Variants in CSMD3 observed in about 807,000 individuals in gnomAD.
CSMD3 encodes CUB and Sushi multiple domains 3.
Under a neutral mutation model 435.2 loss-of-function variants are expected in CSMD3, and 177 were observed. The observed-to-expected ratio is 0.41, with a 90% confidence interval of 0.36 to 0.46. CSMD3 has a LOEUF of 0.46. Ranked by LOEUF, CSMD3 falls within the 20% of genes least tolerant of loss-of-function variation. The pLI, the probability that CSMD3 is intolerant of heterozygous loss-of-function variation, is 0.34. For missense variants in CSMD3, 4,265 were observed against 4,504.6 expected (o/e 0.95, Z 1.52); for synonymous variants, 1,656 against 1,520.5 (o/e 1.09, Z -2.07).
At chr8:113,276,637 T>C (rs2093572937) in intron 3 of CSMD3, among the ~76,000 whole-genome samples, 1 of 152,074 alleles carries the variant, frequency 6.6e-6, no homozygotes, top group Admixed American at 6.6e-5. Flanking sequence ...TATTTTAGCC[T>C]TGTGGGACTC....
At position 112,261,317 on chromosome 8, in the gene CSMD3, C is replaced by T. The variant is rs200910828; in HGVS notation, c.9862+2322G>A. On this transcript the variant is annotated intron_variant, in intron 61 of 70. Coordinates refer to ENST00000297405, the MANE Select transcript of CSMD3 (RefSeq NM_198123.2). ...TAAAATAGGTCTATAAAATACATAA[C>T]TTGCATTAAATTATAAAATGACTAT... is the stretch of plus-strand genomic sequence containing the variant. Among the ~76,000 whole-genome samples the T allele has an allele frequency of 5.3e-5, 8 of 152,102 alleles. No homozygotes were observed. In the East Asian group the frequency reaches 1.5e-3, roughly 29 times the overall value.
Position 112,788,268 on chromosome 8 carries a change from A to G in CSMD3, c.1972+11894T>C, listed in dbSNP as rs1587296572. ...ATTGGAGAAATGGACATCTTTTGTC[A>G]TCATAGCTATATACATGCCTTTTAC... On this transcript the variant is annotated intron_variant, in intron 13 of 70. Coordinates refer to ENST00000297405, the MANE Select transcript of CSMD3 (RefSeq NM_198123.2). Among the ~76,000 whole-genome samples, 4 of 152,240 alleles carry G rather than the reference A, an allele frequency of 2.6e-5. No individual in the cohort carries two copies. The South Asian group carries it at 8.3e-4, about 32-fold the overall frequency.
intron 22 of CSMD3, among the ~76,000 whole-genome samples, chr8:112,599,184 C>A (rs373244745): frequency 0.17 from 22,064 of 132,078 alleles, 2,180 homozygotes; most frequent in South Asian, 0.28. Context: ...AAAAAAAAAA[C>A]AACCCCATCA....
chr8:113,228,546 T>G (rs1159134438), intron 3 of CSMD3, among the ~76,000 whole-genome samples: 1 of 151,542 alleles, frequency 6.6e-6, no homozygotes, highest in Middle Eastern at 3.4e-3. Context: ...GGATTTGAAC[T>G]TCCCCTTTTA....
chr8:113,083,680 T>C (rs1224612234), intron 5 of CSMD3, among the ~76,000 whole-genome samples: 3 of 150,724 alleles, frequency 2.0e-5, no homozygotes, highest in African/African-American at 7.3e-5. Context: ...ATAACAAGAG[T>C]AGATCTCACC....
At chr8:113,214,380 T>A (rs2092876417) in intron 3 of CSMD3, among the ~76,000 whole-genome samples, 1 of 152,000 alleles carries the variant, frequency 6.6e-6, no homozygotes, top group Non-Finnish European at 1.5e-5. Flanking sequence ...GCTAACTTTT[T>A]GACCAAACCT....
intron 24 of CSMD3, among the ~76,000 whole-genome samples, chr8:112,559,942 G>A (rs1828467558): frequency 6.6e-6 from 1 of 151,372 alleles, no homozygotes; most frequent in South Asian, 2.1e-4. Flanking sequence ...AAAAATGCTG[G>A]AGAAAAAAAA....
At chr8:113,321,161 A>G (rs898603638) in intron 1 of CSMD3, among the ~76,000 whole-genome samples, 1 of 152,106 alleles carries the variant, frequency 6.6e-6, no homozygotes, top group Non-Finnish European at 1.5e-5. Context: ...TGCTAAAGTC[A>G]TTTCTACAAC....
At chr8:113,420,431 A>G (rs1246221263) in intron 1 of CSMD3, among the ~76,000 whole-genome samples, 1 of 152,144 alleles carries the variant, frequency 6.6e-6, no homozygotes, top group Admixed American at 6.5e-5. Context: ...ACAGATAAAA[A>G]AATACAAACA....
chr8:112,771,742 TACCA>T (rs2078120911), intron 13 of CSMD3, among the ~76,000 whole-genome samples: 1 of 151,916 alleles, frequency 6.6e-6, no homozygotes. Flanking sequence ...GTCTTATCCA[TACCA>T]ACACAATCTA....
At chr8:113,417,502 C>T (rs1321678419) in intron 1 of CSMD3, among the ~76,000 whole-genome samples, 1 of 151,916 alleles carries the variant, frequency 6.6e-6, no homozygotes. Context: ...AAGCAAACCT[C>T]AATGATATCT....
chr8:112,403,467 G>C (rs1831506896), intron 35 of CSMD3, among the ~76,000 whole-genome samples: 1 of 152,034 alleles, frequency 6.6e-6, no homozygotes, highest in Non-Finnish European at 1.5e-5. Flanking sequence ...CCATAGATTA[G>C]GTAAGTTTTC....
At position 113,119,798 on chromosome 8, in the gene CSMD3, C is replaced by T. The variant is rs144100743; in HGVS notation, c.710-20835G>A. 7.9e-5 allele frequency among the ~76,000 whole-genome samples: 12 copies of T among 152,022 alleles called. No homozygotes were observed. The East Asian group carries it at 1.9e-3, about 25-fold the overall frequency. ...TCTTACTGGGTAAATAATGGGAATG[C>T]AAAACACACATTAAATTTTTGATTG... On this transcript the variant is annotated intron_variant, in intron 4 of 70. Coordinates refer to ENST00000297405, the MANE Select transcript of CSMD3 (RefSeq NM_198123.2).
Position 112,421,297 on chromosome 8 carries a change from T to A in CSMD3, c.5396-12265A>T, listed in dbSNP as rs188877278. On this transcript the variant is annotated intron_variant, in intron 32 of 70. Transcript: ENST00000297405. ...GTGATTCACACCTGTAATCCCAGCA[T>A]TTTGAGAGGCCTAGGTGGGAGGATC... Among the ~76,000 whole-genome samples, 388 of 152,002 alleles carry A rather than the reference T, an allele frequency of 2.6e-3. 7 individuals are homozygous for A. The highest frequency in any genetic ancestry group is 0.023 in the Admixed American group (353 of 15,216).
At chr8:112,278,627 T>A (rs74597546) in intron 59 of CSMD3, among the ~76,000 whole-genome samples, 1 of 152,158 alleles carries the variant, frequency 6.6e-6, no homozygotes. Flanking sequence ...GCTGGCACAC[T>A]GTGCAATAAG....
chr8:112,681,007 T>G (rs1009165526), intron 16 of CSMD3, among the ~76,000 whole-genome samples: 1 of 151,516 alleles, frequency 6.6e-6, no homozygotes, highest in Non-Finnish European at 1.5e-5. Context: ...TATTTCTTAG[T>G]AAAAGTTCAT....
At chr8:113,228,952 C>T (rs1302049935) in intron 3 of CSMD3, among the ~76,000 whole-genome samples, 1 of 151,602 alleles carries the variant, frequency 6.6e-6, no homozygotes, top group Non-Finnish European at 1.5e-5. Context: ...TCTCCCACCA[C>T]TTAAATATCT....
chr8:112,971,330 C>G (rs2084649013), intron 7 of CSMD3, among the ~76,000 whole-genome samples: 1 of 152,094 alleles, frequency 6.6e-6, no homozygotes, highest in South Asian at 2.1e-4. Flanking sequence ...TTCTCAGCTA[C>G]TGAGAAGTTG....
intron 3 of CSMD3, among the ~76,000 whole-genome samples, chr8:113,182,517 G>A (rs566978190): frequency 9.1e-6 from 1 of 109,472 alleles, no homozygotes; most frequent in African/African-American, 4.4e-5. Context: ...TGCTGATGCT[G>A]CCAAAAAAAA....
Sources: allele counts gnomAD v4.1 joint callset (sites outside exome capture counted in the v4.1 genomes callset), GRCh38; gene constraint gnomAD v4.1.1; transcripts MANE v1.5; gene names NCBI Gene and HGNC (gene_info 2026-07-23, HGNC 2026-07-21).